The following APOL6 variants were observed in gnomAD, a reference collection of about 807,000 sequenced individuals.
The protein encoded by APOL6 is apolipoprotein L6.
In APOL6, 1 loss-of-function variant was observed where a neutral mutation model predicts 2.4. The ratio of observed to expected loss-of-function variants is 0.41; its 90% CI spans 0.15 to 1.94. The LOEUF (loss-of-function observed/expected upper bound fraction) is 1.94. Ranked by LOEUF, APOL6 falls within the 30% of genes most tolerant of loss-of-function variation. APOL6 has a pLI of 0.30. For missense variants in APOL6, 438 were observed against 429.2 expected (o/e 1.02, Z -0.18); for synonymous variants, 189 against 169.3 (o/e 1.12, Z -0.90).
At position 35,667,682 on chromosome 22, in the gene APOL6, G is replaced by T. The variant is rs1925225471; in HGVS notation, c.*8086G>T. 2 of 152,234 alleles carry T rather than the reference G, an allele frequency of 1.3e-5. 1 individual carries two copies. The highest frequency in any genetic ancestry group is 4.1e-4 in the South Asian group (2 of 4,838). The allele number at this position is 152,234 out of a possible 1,614,324, so 9.4% of individuals were successfully genotyped here. A position where few individuals can be genotyped will look rare whatever the true frequency, so the allele number is the denominator to read the frequency against. On this transcript the variant is annotated 3_prime_UTR_variant, in exon 3 of 3. Coordinates refer to ENST00000409652, the MANE Select transcript of APOL6 (RefSeq NM_030641.4). The stretch of plus-strand genomic sequence containing the variant: ...AGAAGCTACATAGTTGTAGACCAGG[G>T]TCAGCAACCCAAGAAGCCTGACTTC...
Position 35,665,143 on chromosome 22 carries a change from A to C in APOL6, c.*5547A>C, listed in dbSNP as rs2145962888. The C allele has an allele frequency of 1.3e-5, 2 of 152,218 alleles. No homozygotes were observed. Among genetic ancestry groups the C allele is most frequent in the South Asian group, 4.1e-4 (2 of 4,824 alleles). 9.4% of individuals were successfully genotyped at this position (152,218 alleles called of 1,614,324 possible). ...ACACACACACCCCAAAAGCTTTTAT[A>C]TAATCAAGTTGTCATATTATTATTA... On this transcript the variant is annotated 3_prime_UTR_variant, in exon 3 of 3. Coordinates refer to ENST00000409652, the MANE Select transcript of APOL6 (RefSeq NM_030641.4).
At chr22:35,656,804 A>G (rs1569134517) in intron 2 of APOL6, among the ~76,000 whole-genome samples, 2 of 152,158 alleles carry the variant, frequency 1.3e-5, no homozygotes, top group South Asian at 2.1e-4. Flanking sequence ...TTCAGCTCAT[A>G]TATCACCAAG....
rs1925198666 is a variant in APOL6 at position 35,666,853 on chromosome 22, T to G, written c.*7257T>G. 1 of 152,244 alleles carries G rather than the reference T, an allele frequency of 6.6e-6. No homozygotes were observed. The highest frequency in any genetic ancestry group is 1.5e-5 in the Non-Finnish European group (1 of 68,048). 9.4% of individuals were successfully genotyped at this position (152,244 alleles called of 1,614,324 possible). On this transcript the variant is annotated 3_prime_UTR_variant, in exon 3 of 3. Transcript: ENST00000409652. The stretch of plus-strand genomic sequence containing the variant: ...TTTCTTTTGAGCTATTGACAGCTTT[T>G]AACAATTTAGTATACTCCTATGACA...
intron 1 of APOL6, among the ~76,000 whole-genome samples, chr22:35,650,695 C>T (rs1419970226): frequency 2.0e-5 from 3 of 152,036 alleles, no homozygotes; most frequent in Non-Finnish European, 4.4e-5. Flanking sequence ...TTTGGGAGCC[C>T]GAGGTGGGTG....
intron 2 of APOL6, 139 bp downstream of exon 2, chr22:35,656,614 C>A: frequency 3.1e-6 from 3 of 969,004 alleles, no homozygotes; most frequent in African/African-American, 1.6e-5. Flanking sequence ...CTCCATTATG[C>A]ATATGAAAAT....
Position 35,668,033 on chromosome 22 carries a change from A to T in APOL6, c.*8437A>T, listed in dbSNP as rs1925236773. On this transcript the variant is annotated 3_prime_UTR_variant, in exon 3 of 3. Transcript: ENST00000409652. ...CAACACAGACCTTAAGGCTGATAAG[A>T]AGCATTTACAATCTATTCTCTCTGA... is the stretch of plus-strand genomic sequence containing the variant. 1 of 152,182 alleles carries T rather than the reference A, an allele frequency of 6.6e-6. No homozygotes were observed. The highest frequency in any genetic ancestry group is 2.1e-4 in the South Asian group (1 of 4,830). The allele number at this position is 152,182 out of a possible 1,614,324, so 9.4% of individuals were successfully genotyped here. A position where few individuals can be genotyped will look rare whatever the true frequency, so the allele number is the denominator to read the frequency against.
rs532673285 is a variant in APOL6, at chr22:35,665,660, T to C, written c.*6064T>C. 2.6e-5 allele frequency: 4 copies of C among 152,366 alleles called. No individual in the cohort carries two copies. Among genetic ancestry groups the C allele is most frequent in the African/African-American group, 7.2e-5 (3 of 41,580 alleles). 9.4% of individuals were successfully genotyped at this position (152,366 alleles called of 1,614,324 possible). On this transcript the variant is annotated 3_prime_UTR_variant, in exon 3 of 3. Transcript: ENST00000409652. ...ATTTTATAATCAAGATTAAATCTTA[T>C]AGTTTGTTTACAAAATTTTGAAAAT...
intron 1 of APOL6, among the ~76,000 whole-genome samples, chr22:35,654,577 T>TACAC (rs199529740): frequency 6.6e-6 from 1 of 150,620 alleles, no homozygotes; most frequent in Non-Finnish European, 1.5e-5. Context: ...CACACACACA[T>TACAC]ACACACACAT....
Position 35,665,226 on chromosome 22 carries a change from T to C in APOL6, c.*5630T>C, listed in dbSNP as rs1925143038. The C allele has an allele frequency of 6.6e-6, 1 of 152,160 alleles. No individual in the cohort carries two copies. Among genetic ancestry groups the C allele is most frequent in the Non-Finnish European group, 1.5e-5 (1 of 68,048 alleles). The allele number at this position is 152,160 out of a possible 1,614,324, so 9.4% of individuals were successfully genotyped here. On this transcript the variant is annotated 3_prime_UTR_variant, in exon 3 of 3. Coordinates refer to ENST00000409652, the MANE Select transcript of APOL6 (RefSeq NM_030641.4). ...TTTTTAAAAAATCAAGGTTATTACATCCATGTATCTTCCTGTGTATGCTTT... is the reference window on the plus strand; with the variant it reads ...TTTTTAAAAAATCAAGGTTATTACACCCATGTATCTTCCTGTGTATGCTTT...
intron 1 of APOL6, among the ~76,000 whole-genome samples, chr22:35,650,426 G>A (rs1410917992): frequency 3.3e-5 from 5 of 152,172 alleles, no homozygotes; most frequent in Admixed American, 2.6e-4. Flanking sequence ...AAAATGAAAT[G>A]CGACATGGCT....
chr22:35,650,603 T>C (rs1924661722), intron 1 of APOL6, among the ~76,000 whole-genome samples: 1 of 152,198 alleles, frequency 6.6e-6, no homozygotes, highest in Non-Finnish European at 1.5e-5. Context: ...AGTGAATGAA[T>C]GAATGAATGG....
rs774480645 is a variant in APOL6, at chr22:35,658,616, G to A, written c.52G>A (p.Asp18Asn). 13 of 1,599,762 alleles carry A rather than the reference G, an allele frequency of 8.1e-6. No homozygotes were observed. The African/African-American group carries it at 1.2e-4, about 15-fold the overall frequency. The change falls in exon 3 of 3, where the codon GAT becomes AAT. Residue 18 changes from aspartate to asparagine, a missense_variant and splice_region_variant. Coordinates refer to ENST00000409652, the MANE Select transcript of APOL6 (RefSeq NM_030641.4). ...AATCTTTATTTCATTTCTCCTCAGG[G>A]ATGAGGATGACGCTCCTCTGTGTGA... Reference protein sequence around the residue: ...ESEAGVGLQRDEDDAPLCEDV... With the variant: ...ESEAGVGLQRNEDDAPLCEDV...
Position 35,658,843 on chromosome 22 carries a change from C to G in APOL6, c.279C>G (p.Leu93=), listed in dbSNP as rs755331472. ...STAVISGVMS[L]LGLALAPATG... is the part of the protein sequence containing the mutation. ...CTGTCATCTCTGGAGTGATGAGCCT[C>G]CTGGGTTTAGCCCTTGCCCCAGCAA... The change falls in exon 3 of 3, where the codon CTC becomes CTG. Residue 93 remains leucine (L), a synonymous_variant. Coordinates refer to ENST00000409652, the MANE Select transcript of APOL6 (RefSeq NM_030641.4). The G allele has an allele frequency of 2.7e-5, 44 of 1,614,034 alleles. No homozygotes were observed. The highest frequency in any genetic ancestry group is 3.6e-5 in the Non-Finnish European group (43 of 1,180,034).
In APOL6 at chr22:35,661,567, A is replaced by T. The variant is rs923184878; in HGVS notation, c.*1971A>T. Reference sequence around the variant, plus strand: ...CTCCCAGGCTACGCACCTGTACAGCATGTGACTACTGAATACTATAGGCAA... The same window carrying T: ...CTCCCAGGCTACGCACCTGTACAGCTTGTGACTACTGAATACTATAGGCAA... On this transcript the variant is annotated 3_prime_UTR_variant, in exon 3 of 3. Coordinates refer to ENST00000409652, the MANE Select transcript of APOL6 (RefSeq NM_030641.4). 1.3e-5 allele frequency: 2 copies of T among 152,216 alleles called. No homozygotes were observed. Among genetic ancestry groups the T allele is most frequent in the Non-Finnish European group, 2.9e-5 (2 of 68,046 alleles). 9.4% of individuals were successfully genotyped at this position (152,216 alleles called of 1,614,324 possible).
At position 35,658,897 on chromosome 22, in the gene APOL6, C is replaced by T. The variant is rs34527373; in HGVS notation, c.333C>T (p.Thr111=). 0.017 allele frequency: 26,916 copies of T among 1,614,028 alleles called. 359 individuals carry two copies. The highest frequency in any genetic ancestry group is 0.037 in the Middle Eastern group (223 of 6,062). The change falls in exon 3 of 3, where the codon ACC becomes ACT. Residue 111 remains threonine, a synonymous_variant. Transcript: ENST00000409652. The stretch of plus-strand genomic sequence containing the variant: ...GAGGAGGAAGCCTGCTGCTCTCCAC[C>T]GCTGGTCAAGGTTTGGCAACAGCAG... ...ATGGGSLLLS[T]AGQGLATAAG...
In APOL6 at chr22:35,655,341, C is replaced by G. The variant is rs141810050; in HGVS notation, c.-47-1038C>G. Reference sequence around the variant, plus strand: ...ATATCCATCTAAGGAATCACTTACCCAGGTCAAGATGGAGAAAAGGAGATT... The same window carrying G: ...ATATCCATCTAAGGAATCACTTACCGAGGTCAAGATGGAGAAAAGGAGATT... On this transcript the variant is annotated intron_variant, in intron 1 of 2. Coordinates refer to ENST00000409652, the MANE Select transcript of APOL6 (RefSeq NM_030641.4). Among the ~76,000 whole-genome samples, 306 of 152,212 alleles carry G rather than the reference C, an allele frequency of 2.0e-3. 4 individuals are homozygous for G. Among genetic ancestry groups the G allele is most frequent in the African/African-American group, 7.1e-3 (293 of 41,548 alleles).
At position 35,660,681 on chromosome 22, in the gene APOL6, G is replaced by A. The variant is rs5750146; in HGVS notation, c.*1085G>A. ...AAGGCACCAGCAGATTCCACATCTC[G>A]TGAAGGCTCACTCTCTGCTTCACAG... is the stretch of plus-strand genomic sequence containing the variant. On this transcript the variant is annotated 3_prime_UTR_variant, in exon 3 of 3. Transcript: ENST00000409652. 0.087 allele frequency: 13,266 copies of A among 152,704 alleles called. 904 individuals are homozygous for A. Among genetic ancestry groups the A allele is most frequent in the East Asian group, 0.19 (1,006 of 5,176 alleles). The allele number at this position is 152,704 out of a possible 1,614,324, so 9.5% of individuals were successfully genotyped here. A position where few individuals can be genotyped will look rare whatever the true frequency, so the allele number is the denominator to read the frequency against.
chr22:35,658,100 G>A (rs5755830), intron 2 of APOL6, among the ~76,000 whole-genome samples: 150,142 of 152,228 alleles, frequency 0.99, 74,051 homozygotes, highest in East Asian at 1. Flanking sequence ...AACCAGATTC[G>A]AGGTCATTAG....
chr22:35,657,147 G>A (rs967702373), intron 2 of APOL6, among the ~76,000 whole-genome samples: 1 of 152,216 alleles, frequency 6.6e-6, no homozygotes, highest in Non-Finnish European at 1.5e-5. Context: ...CAGTGGCGTT[G>A]TTGATCTTTG....
Sources: allele counts gnomAD v4.1 joint callset (sites outside exome capture counted in the v4.1 genomes callset), GRCh38; gene constraint gnomAD v4.1.1; transcripts MANE v1.5; gene names NCBI Gene and HGNC (gene_info 2026-07-23, HGNC 2026-07-21).